ROBO2: variants seen among roughly 807,000 people sequenced by gnomAD.
ROBO2 encodes roundabout homolog 2.
ROBO2 carries 53 observed loss-of-function variants against 160.8 expected under a neutral mutation model. That is an observed-to-expected ratio of 0.33 (90% CI 0.26 to 0.41). The LOEUF is 0.41. ROBO2 is among the 10% of genes least tolerant of loss of function. The probability of loss-of-function intolerance (pLI) is 1.00; values close to 1 mark genes in which losing one functional copy is unlikely to be tolerated. For missense variants in ROBO2, 1,577 were observed against 1,722.4 expected (o/e 0.92, Z 1.49); for synonymous variants, 664 against 611.7 (o/e 1.09, Z -1.26).
intron 1 of ROBO2, among the ~76,000 whole-genome samples, chr3:77,076,090 A>G: frequency 6.6e-6 from 1 of 152,162 alleles, no homozygotes; most frequent in East Asian, 1.9e-4. Flanking sequence ...GAAAAACACA[A>G]AGGAGATATT....
At chr3:76,932,791 C>T (rs1235453389) in intron 2 of ROBO2, among the ~76,000 whole-genome samples, 1 of 152,030 alleles carries the variant, frequency 6.6e-6, no homozygotes, top group Non-Finnish European at 1.5e-5. Flanking sequence ...AAAACTGAGA[C>T]GCAAGCACAG....
At chr3:77,563,466 C>A (rs2153662689) in intron 11 of ROBO2, 137 bp downstream of exon 12, 1 of 878,710 alleles carries the variant, frequency 1.1e-6, no homozygotes, top group Non-Finnish European at 1.8e-6. Flanking sequence ...TTCTCTCTGA[C>A]TTTATTCAAG....
At chr3:76,054,910 T>C (rs1461583724) in intron 2 of ROBO2, among the ~76,000 whole-genome samples, 1 of 152,154 alleles carries the variant, frequency 6.6e-6, no homozygotes, top group African/African-American at 2.4e-5. Context: ...GTGAGGAATC[T>C]CTGGACATAT....
intron 2 of ROBO2, among the ~76,000 whole-genome samples, chr3:76,402,013 C>T (rs6791649): frequency 0.022 from 3,346 of 151,504 alleles, 113 homozygotes; most frequent in African/African-American, 0.076. Flanking sequence ...ACTAAGAAGA[C>T]GTGAATGCTT....
At chr3:76,337,204 A>G (rs968140614) in intron 2 of ROBO2, among the ~76,000 whole-genome samples, 7 of 152,138 alleles carry the variant, frequency 4.6e-5, no homozygotes, top group South Asian at 2.1e-4. Flanking sequence ...CCCTAATCAA[A>G]GCTCCCTTGG....
chr3:76,446,936 C>G (rs1427995200), intron 2 of ROBO2, among the ~76,000 whole-genome samples: 1 of 152,154 alleles, frequency 6.6e-6, no homozygotes. Flanking sequence ...ACCATAAAAA[C>G]CCTAGAAGAA....
At chr3:77,513,066 A>G (rs1383658200) in intron 5 of ROBO2, among the ~76,000 whole-genome samples, 2 of 151,966 alleles carry the variant, frequency 1.3e-5, no homozygotes, top group Non-Finnish European at 2.9e-5. Context: ...TTTTGAGATG[A>G]GAATGGCCAG....
At position 77,327,019 on chromosome 3, in the gene ROBO2, G is replaced by C. The variant is rs554676369; in HGVS notation, c.389-150395G>C. ...ACTTCATATAATATTAATAAATGAA[G>C]AGTGTGCAGGCAGTTCTCAATTTAC... On this transcript the variant is annotated intron_variant, in intron 2 of 25. Transcript: ENST00000461745. Among the ~76,000 whole-genome samples, 117 of 152,284 alleles carry C rather than the reference G, an allele frequency of 7.7e-4. No homozygotes were observed. In the Middle Eastern group the frequency reaches 0.014, roughly 18 times the overall value.
At chr3:77,421,380 A>T (rs1581806454) in intron 2 of ROBO2, among the ~76,000 whole-genome samples, 1 of 151,908 alleles carries the variant, frequency 6.6e-6, no homozygotes, top group African/African-American at 2.4e-5. Context: ...CGTGTATAAC[A>T]TTTTTTTTCT....
At chr3:76,922,791 A>T (rs1417486340) in intron 2 of ROBO2, among the ~76,000 whole-genome samples, 2 of 152,182 alleles carry the variant, frequency 1.3e-5, no homozygotes, top group Non-Finnish European at 2.9e-5. Context: ...GAGTCCCAAG[A>T]CTTGTTGTAA....
At chr3:77,186,737 TC>T (rs1456803834) in intron 2 of ROBO2, among the ~76,000 whole-genome samples, 1 of 152,000 alleles carries the variant, frequency 6.6e-6, no homozygotes, top group Non-Finnish European at 1.5e-5. Context: ...GCAATGTGAT[TC>T]CAAAGATATA....
intron 2 of ROBO2, among the ~76,000 whole-genome samples, chr3:77,350,069 A>AT (rs11386136): frequency 0.34 from 51,416 of 150,468 alleles, 9,142 homozygotes; most frequent in Non-Finnish European, 0.38. Context: ...TACATTAAAA[A>AT]AAAATATATA....
At chr3:76,836,935 T>C (rs191939967) in intron 2 of ROBO2, among the ~76,000 whole-genome samples, 148 of 152,022 alleles carry the variant, frequency 9.7e-4, no homozygotes, top group Middle Eastern at 3.4e-3. Context: ...TATATCCTTA[T>C]AGATTTTCTG....
At chr3:76,910,725 CAAAAA>C (rs10662303) in intron 2 of ROBO2, among the ~76,000 whole-genome samples, 3 of 35,526 alleles carry the variant, frequency 8.4e-5, no homozygotes, top group Admixed American at 3.1e-4. Context: ...AACTCTGTCT[CAAAAA>C]AAAAAAAAAA....
intron 2 of ROBO2, among the ~76,000 whole-genome samples, chr3:76,510,732 AAAAAT>A (rs926164272): frequency 6.6e-6 from 1 of 152,194 alleles, no homozygotes; most frequent in Admixed American, 6.5e-5. Flanking sequence ...CAAAAAAATA[AAAAAT>A]AAAATAAATG....
intron 2 of ROBO2, among the ~76,000 whole-genome samples, chr3:77,153,002 A>G (rs555000862): frequency 1.3e-5 from 2 of 152,304 alleles, no homozygotes; most frequent in South Asian, 4.1e-4. Flanking sequence ...GACATTTTAT[A>G]TAAATGGAAT....
chr3:76,349,678 T>C (rs574391459), intron 2 of ROBO2, among the ~76,000 whole-genome samples: 6 of 152,180 alleles, frequency 3.9e-5, no homozygotes, highest in African/African-American at 1.4e-4. Flanking sequence ...CCTGCCACAG[T>C]GTAACGGATG....
At chr3:76,897,239 G>A (rs1239481963) in intron 2 of ROBO2, among the ~76,000 whole-genome samples, 2 of 151,818 alleles carry the variant, frequency 1.3e-5, no homozygotes, top group East Asian at 3.9e-4. Context: ...TTATATTCTT[G>A]TGTAACTGCA....
At chr3:76,435,500 G>A (rs761899110) in intron 2 of ROBO2, 40 of 659,016 alleles carry the variant, frequency 6.1e-5, no homozygotes, top group South Asian at 2.8e-4. Context: ...GGTTCTTTTC[G>A]CGATTTCCTC....
Sources: gnomAD v4.1 joint callset for allele counts (sites outside exome capture counted in the v4.1 genomes callset) on GRCh38, gnomAD v4.1.1 for gene constraint, MANE v1.5 for transcripts, NCBI Gene and HGNC (gene_info 2026-07-23, HGNC 2026-07-21) for gene names.